The following SLC26A7 variants were observed in gnomAD, a reference collection of about 807,000 sequenced individuals.
The protein encoded by SLC26A7 is anion exchange transporter.
Under a neutral mutation model 82.5 loss-of-function variants are expected in SLC26A7, and 59 were observed. The ratio of observed to expected loss-of-function variants is 0.72; its 90% CI spans 0.58 to 0.89. The LOEUF (loss-of-function observed/expected upper bound fraction) is 0.89. SLC26A7 is among the 40% of genes least tolerant of loss of function. SLC26A7 has a pLI of 0.00. For missense variants in SLC26A7, 820 were observed against 793.0 expected (o/e 1.03, Z -0.41); for synonymous variants, 271 against 274.3 (o/e 0.99, Z 0.12).
At chr8:91,224,410 T>G (rs555532613) in intron 2 of SLC26A7, among the ~76,000 whole-genome samples, 1 of 152,182 alleles carries the variant, frequency 6.6e-6, no homozygotes, top group African/African-American at 2.4e-5. Context: ...ACTTTCTGCA[T>G]GTTTGTTTTC....
intron 2 of SLC26A7, among the ~76,000 whole-genome samples, chr8:91,267,211 T>TTTGTTG (rs970031988): frequency 7.9e-5 from 12 of 151,704 alleles, no homozygotes; most frequent in Admixed American, 5.9e-4. Context: ...CCCACCTCTT[T>TTTGTTG]TTGTTGTTGT....
chr8:91,332,535 T>C (rs1053410420), intron 5 of SLC26A7, among the ~76,000 whole-genome samples: 11 of 111,344 alleles, frequency 9.9e-5, no homozygotes, highest in South Asian at 5.6e-4. Context: ...CACACACACA[T>C]ATTTAAGCTA....
At chr8:91,285,502 C>A (rs535053261) in intron 2 of SLC26A7, among the ~76,000 whole-genome samples, 3 of 152,306 alleles carry the variant, frequency 2.0e-5, no homozygotes, top group South Asian at 4.1e-4. Flanking sequence ...AAGATATGAC[C>A]TTTTTCCAAA....
intron 6 of SLC26A7, among the ~76,000 whole-genome samples, chr8:91,336,535 C>T (rs1302690120): frequency 4.0e-5 from 6 of 151,834 alleles, no homozygotes; most frequent in Admixed American, 6.6e-5. Context: ...CAACCCTGTT[C>T]GTGAAAAAAT....
At chr8:91,264,895 T>G (rs1811068747) in intron 2 of SLC26A7, among the ~76,000 whole-genome samples, 1 of 152,198 alleles carries the variant, frequency 6.6e-6, no homozygotes, top group Non-Finnish European at 1.5e-5. Context: ...TTTGTGGTAA[T>G]AACTTTCAGA....
chr8:91,242,109 C>A (rs926388341), intron 2 of SLC26A7, among the ~76,000 whole-genome samples: 1 of 151,964 alleles, frequency 6.6e-6, no homozygotes, highest in African/African-American at 2.4e-5. Context: ...TTTTTTTTCT[C>A]TGCTATTATT....
At chr8:91,307,732 TG>T (rs1428988844) in intron 4 of SLC26A7, among the ~76,000 whole-genome samples, 1 of 145,838 alleles carries the variant, frequency 6.9e-6, no homozygotes, top group African/African-American at 2.5e-5. Flanking sequence ...CGCACCAGCA[TG>T]GCACATGTAT....
At chr8:91,284,053 AAT>A (rs2130757157) in intron 2 of SLC26A7, among the ~76,000 whole-genome samples, 1 of 152,368 alleles carries the variant, frequency 6.6e-6, no homozygotes, top group African/African-American at 2.4e-5. Context: ...GATTTTGAGA[AAT>A]ATGTGTATAT....
At chr8:91,241,026 G>A (rs1810465625) in intron 2 of SLC26A7, among the ~76,000 whole-genome samples, 1 of 152,040 alleles carries the variant, frequency 6.6e-6, no homozygotes, top group Admixed American at 6.6e-5. Flanking sequence ...TTTGACACTT[G>A]GACCCTAATA....
At chr8:91,286,033 A>C (rs1339118917) in intron 2 of SLC26A7, among the ~76,000 whole-genome samples, 4 of 152,214 alleles carry the variant, frequency 2.6e-5, no homozygotes, top group Non-Finnish European at 5.9e-5. Flanking sequence ...CTCTGTGATA[A>C]ATAGTTCACT....
At chr8:91,353,960 C>T (rs944266896) in intron 11 of SLC26A7, among the ~76,000 whole-genome samples, 4 of 151,972 alleles carry the variant, frequency 2.6e-5, no homozygotes, top group African/African-American at 9.7e-5. Flanking sequence ...AAAGTAAGAG[C>T]TTAGTTTTGG....
At chr8:91,340,696 C>G (rs1455604259) in intron 8 of SLC26A7, 145 bp downstream of exon 8, 1 of 932,670 alleles carries the variant, frequency 1.1e-6, no homozygotes, top group Non-Finnish European at 1.6e-6. Flanking sequence ...AGAAAAATAT[C>G]AAAATCATTC....
chr8:91,241,058 T>A (rs541846600), intron 2 of SLC26A7, among the ~76,000 whole-genome samples: 18 of 152,280 alleles, frequency 1.2e-4, no homozygotes, highest in African/African-American at 4.1e-4. Flanking sequence ...AAGGAAACAA[T>A]CAGAAATCTG....
At chr8:91,301,752 G>A (rs776678114) in intron 4 of SLC26A7, among the ~76,000 whole-genome samples, 2 of 148,852 alleles carry the variant, frequency 1.3e-5, no homozygotes, top group Non-Finnish European at 3.0e-5. Context: ...TTATTGTTTG[G>A]TTGTTGCTCT....
intron 2 of SLC26A7, among the ~76,000 whole-genome samples, chr8:91,243,221 A>G (rs79144427): frequency 1.2e-3 from 183 of 152,308 alleles, no homozygotes; most frequent in African/African-American, 4.2e-3. Flanking sequence ...ATTACATAAT[A>G]GATAACTTCC....
chr8:91,282,743 T>C (rs1323188982), intron 2 of SLC26A7, among the ~76,000 whole-genome samples: 1 of 152,210 alleles, frequency 6.6e-6, no homozygotes, highest in Non-Finnish European at 1.5e-5. Flanking sequence ...GAAGACTCTT[T>C]ACCATCTAAT....
At chr8:91,232,814 A>G (rs889014386) in intron 2 of SLC26A7, among the ~76,000 whole-genome samples, 2 of 152,198 alleles carry the variant, frequency 1.3e-5, no homozygotes, top group Non-Finnish European at 2.9e-5. Flanking sequence ...GCTTCAATCT[A>G]AACAAAATGT....
At chr8:91,248,308 T>G (rs1299893193), upstream of SLC26A7, among the ~76,000 whole-genome samples, 1 of 152,136 alleles carries the variant, frequency 6.6e-6, no homozygotes, top group Non-Finnish European at 1.5e-5. Flanking sequence ...AGATGTCATC[T>G]TTAGAAGATG....
At chr8:91,393,138 A>G (rs1467319384) in intron 16 of SLC26A7, among the ~76,000 whole-genome samples, 1 of 152,140 alleles carries the variant, frequency 6.6e-6, no homozygotes, top group Non-Finnish European at 1.5e-5. Flanking sequence ...TGGTAACTAA[A>G]ACGCCTAAAT....
Sources: allele counts gnomAD v4.1 joint callset (sites outside exome capture counted in the v4.1 genomes callset), GRCh38; gene constraint gnomAD v4.1.1; transcripts MANE v1.5; gene names NCBI Gene and HGNC (gene_info 2026-07-23, HGNC 2026-07-21).